MMAA: variants seen among roughly 807,000 people sequenced by gnomAD.
MMAA encodes the protein metabolism of cobalamin associated A.
A neutral mutation model predicts 45.0 loss-of-function variants in MMAA; 41 were observed. The ratio of observed to expected loss-of-function variants is 0.91; its 90% confidence interval spans 0.71 to 1.18. The LOEUF (loss-of-function observed/expected upper bound fraction) is 1.18. Ranked by LOEUF, MMAA falls within the 50% of genes most tolerant of loss-of-function variation. The probability of loss-of-function intolerance (pLI) is 0.00; values close to 1 mark genes in which losing one functional copy is unlikely to be tolerated. For missense variants in MMAA, 460 were observed against 495.7 expected (o/e 0.93, Z 0.68); for synonymous variants, 154 against 178.2 (o/e 0.86, Z 1.08).
chr4:145,625,662 A>G, intron 1 of MMAA: 1 of 1,243,272 alleles, frequency 8.0e-7, no homozygotes, highest in Non-Finnish European at 1.2e-6. Flanking sequence ...CAAACTGCCC[A>G]GTCTCTCTAG....
At position 145,625,091 on chromosome 4, in the gene MMAA, T is replaced by G. The variant is rs1478283027; in HGVS notation, c.-66+5684T>G. The G allele has an allele frequency of 4.1e-6, 4 of 984,878 alleles. No individual in the cohort carries two copies. The East Asian group carries it at 9.6e-5, about 24-fold the overall frequency. The allele number at this position is 984,878 out of a possible 1,614,324, so 61.0% of individuals were successfully genotyped here. A position where few individuals can be genotyped will look rare whatever the true frequency, so the allele number is the denominator to read the frequency against. On this transcript the variant is annotated intron_variant, in intron 1 of 6. Coordinates refer to ENST00000649156, the MANE Select transcript of MMAA (RefSeq NM_172250.3). ...CTCGGGCTTCCCCAGCTTATGGGAT[T>G]CCTGGAGAGTCACTAGCCAATCTGA...
intron 2 of MMAA, among the ~76,000 whole-genome samples, chr4:145,640,327 G>C (rs1727747259): frequency 1.3e-5 from 2 of 151,780 alleles, no homozygotes; most frequent in African/African-American, 4.8e-5. Flanking sequence ...TGGCCAGGCT[G>C]GTCTTGAACT....
chr4:145,645,522 T>C (rs1727904856), intron 3 of MMAA, among the ~76,000 whole-genome samples: 1 of 152,182 alleles, frequency 6.6e-6, no homozygotes, highest in Admixed American at 6.6e-5. Flanking sequence ...CAAAATTGAA[T>C]AGTGTGAAAT....
At position 145,650,966 on chromosome 4, in the gene MMAA, T is replaced by G. The variant is rs187780119; in HGVS notation, c.734-96T>G. The G allele has an allele frequency of 1.7e-4, 175 of 1,036,934 alleles. 1 individual carries two copies. The highest frequency in any genetic ancestry group is 6.6e-4 in the Admixed American group (39 of 59,044). 64.2% of individuals were successfully genotyped at this position (1,036,934 alleles called of 1,614,324 possible). Reference sequence around the variant, plus strand: ...ACCAGGTTGACTGTGTGACCATGAGTATGAGTAAATGAAGTAGAATGGAAA... The same window carrying G: ...ACCAGGTTGACTGTGTGACCATGAGGATGAGTAAATGAAGTAGAATGGAAA... On this transcript the variant is annotated intron_variant, in intron 4 of 6. Coordinates refer to ENST00000649156, the MANE Select transcript of MMAA (RefSeq NM_172250.3).
rs1423430377 is a variant in MMAA, at chr4:145,656,145, G to C, written c.*711G>C. 1 of 152,142 alleles carries C rather than the reference G, an allele frequency of 6.6e-6. No individual in the cohort carries two copies. Among genetic ancestry groups the C allele is most frequent in the African/African-American group, 2.4e-5 (1 of 41,428 alleles). 9.4% of individuals were successfully genotyped at this position (152,142 alleles called of 1,614,324 possible). A position where few individuals can be genotyped will look rare whatever the true frequency, so the allele number is the denominator to read the frequency against. ...AGCCAATTGGAGTAAACCCCTAAAA[G>C]ACAAAGTGAGGTCAGAATGATTCAA... On this transcript the variant is annotated 3_prime_UTR_variant, in exon 7 of 7. Coordinates refer to ENST00000649156, the MANE Select transcript of MMAA (RefSeq NM_172250.3).
rs555994585 is a variant in MMAA at position 145,653,315 on chromosome 4, G to T, written c.820-679G>T. 2.6e-5 allele frequency among the ~76,000 whole-genome samples: 4 copies of T among 152,224 alleles called. No individual in the cohort carries two copies. In the East Asian group the frequency reaches 7.7e-4, roughly 29 times the overall value. ...TGTTTTGTTTAAAAATATTTGAAAA[G>T]AAATTTTAATCTTATGTAGAAAAAT... On this transcript the variant is annotated intron_variant, in intron 5 of 6. Coordinates refer to ENST00000649156, the MANE Select transcript of MMAA (RefSeq NM_172250.3).
intron 4 of MMAA, 38 bp downstream of exon 4, chr4:145,646,194 T>G (rs1294062347): frequency 1.9e-6 from 3 of 1,611,022 alleles, no homozygotes; most frequent in African/African-American, 1.3e-5. Flanking sequence ...ATGTACTATT[T>G]TATGAATGCT....
intron 1 of MMAA, among the ~76,000 whole-genome samples, chr4:145,638,099 G>A (rs908153305): frequency 6.6e-6 from 1 of 152,198 alleles, no homozygotes; most frequent in Non-Finnish European, 1.5e-5. Flanking sequence ...GCCGGGCGTG[G>A]GGGCTCATGC....
intron 1 of MMAA, among the ~76,000 whole-genome samples, chr4:145,633,787 T>C (rs1158708123): frequency 1.3e-5 from 2 of 152,254 alleles, no homozygotes; most frequent in African/African-American, 4.8e-5. Context: ...CTAAGCCATA[T>C]CTGCATTTTG....
In MMAA at chr4:145,624,912, T is replaced by C. The variant is rs1734168906; in HGVS notation, c.-66+5505T>C. 2.0e-6 allele frequency: 3 copies of C among 1,505,978 alleles called. No homozygotes were observed. The Admixed American group carries it at 5.0e-5, about 25-fold the overall frequency. 93.3% of individuals were successfully genotyped at this position (1,505,978 alleles called of 1,614,324 possible). The stretch of plus-strand genomic sequence containing the variant: ...TGGTTTCTTGGCCCCCAAGTGGTCA[T>C]GCAGGCACTTAGATTGCCCACGTTT... On this transcript the variant is annotated intron_variant, in intron 1 of 6. Transcript: ENST00000649156.
rs894353693 is a variant in MMAA at position 145,625,863 on chromosome 4, C to T, written c.-66+6456C>T. The T allele has an allele frequency of 9.3e-5, 126 of 1,354,906 alleles. 1 individual carries two copies. Among genetic ancestry groups the T allele is most frequent in the Admixed American group, 5.3e-4 (31 of 57,958 alleles). 83.9% of individuals were successfully genotyped at this position (1,354,906 alleles called of 1,614,324 possible). On this transcript the variant is annotated intron_variant, in intron 1 of 6. Coordinates refer to ENST00000649156, the MANE Select transcript of MMAA (RefSeq NM_172250.3). ...ATGGCTTCTAAGACGTTCCAGATGA[C>T]GGGTTATGCAACTGTGAATCTGAGC...
intron 1 of MMAA, among the ~76,000 whole-genome samples, chr4:145,637,506 T>G (rs919553134): frequency 2.0e-5 from 3 of 152,054 alleles, no homozygotes; most frequent in Non-Finnish European, 2.9e-5. Context: ...TGAGCACTTA[T>G]AGTTCTACCA....
intron 1 of MMAA, among the ~76,000 whole-genome samples, chr4:145,634,869 G>A (rs577399033): frequency 6.6e-6 from 1 of 152,002 alleles, no homozygotes; most frequent in South Asian, 2.1e-4. Context: ...GGCCTGGAAG[G>A]GGGACCTCAT....
intron 1 of MMAA, chr4:145,625,549 A>G (rs1390981): frequency 0.24 from 184,684 of 753,976 alleles, 26,331 homozygotes; most frequent in African/African-American, 0.52. Flanking sequence ...AAGTGCTCAG[A>G]AATTTGAATT....
chr4:145,646,952 G>C (rs934724627), intron 4 of MMAA, among the ~76,000 whole-genome samples: 15 of 152,174 alleles, frequency 9.9e-5, no homozygotes, highest in African/African-American at 3.6e-4. Context: ...GGAGTCTTCT[G>C]GAGTTTACCC....
At chr4:145,651,873 A>C (rs1198948382) in intron 5 of MMAA, among the ~76,000 whole-genome samples, 1 of 152,196 alleles carries the variant, frequency 6.6e-6, no homozygotes, top group African/African-American at 2.4e-5. Flanking sequence ...AGGAGTGCAC[A>C]ACCTAGATGC....
In MMAA at chr4:145,659,681, C is replaced by G. The variant is rs1468442901; in HGVS notation, c.*4247C>G. On this transcript the variant is annotated 3_prime_UTR_variant, in exon 7 of 7. Transcript: ENST00000649156. Reference sequence around the variant, plus strand: ...TTTCAATTTTTACAATAATTTTTGACACATTGAAGCTGTGCATGTTTATGG... The same window carrying G: ...TTTCAATTTTTACAATAATTTTTGAGACATTGAAGCTGTGCATGTTTATGG... 6.6e-6 allele frequency: 1 copy of G among 152,016 alleles called. No individual in the cohort carries two copies. Among genetic ancestry groups the G allele is most frequent in the Non-Finnish European group, 1.5e-5 (1 of 68,024 alleles). 9.4% of individuals were successfully genotyped at this position (152,016 alleles called of 1,614,324 possible).
intron 1 of MMAA, chr4:145,625,477 C>T (rs1289395739): frequency 5.6e-6 from 4 of 718,336 alleles, no homozygotes; most frequent in Non-Finnish European, 1.1e-5. Flanking sequence ...TCTGCTCTGG[C>T]ATAGGGATAT....
chr4:145,640,216 A>G (rs1341155318), intron 2 of MMAA, among the ~76,000 whole-genome samples: 1 of 151,640 alleles, frequency 6.6e-6, no homozygotes, highest in Non-Finnish European at 1.5e-5. Context: ...AGGTTCATGC[A>G]GTTCTCCTGC....
Sources: allele counts gnomAD v4.1 joint callset (sites outside exome capture counted in the v4.1 genomes callset), GRCh38; gene constraint gnomAD v4.1.1; transcripts MANE v1.5; gene names NCBI Gene and HGNC (gene_info 2026-07-23, HGNC 2026-07-21).